The following STK24 variants were observed in gnomAD, a reference collection of about 807,000 sequenced individuals.
The protein encoded by STK24 is serine/threonine kinase 24, also known as serine/threonine-protein kinase 24.
STK24 carries 21 observed loss-of-function variants against 55.6 expected under a neutral mutation model. The ratio of observed to expected loss-of-function variants is 0.38; its 90% CI spans 0.27 to 0.54. The LOEUF is 0.54. Ranked by LOEUF, STK24 falls within the 20% of genes least tolerant of loss-of-function variation. STK24 has a pLI of 0.79. For missense variants in STK24, 383 were observed against 538.4 expected (o/e 0.71, Z 2.86); for synonymous variants, 200 against 215.2 (o/e 0.93, Z 0.62).
intron 3 of STK24, among the ~76,000 whole-genome samples, chr13:98,478,251 C>G (rs1894457762): frequency 2.0e-5 from 3 of 152,336 alleles, no homozygotes; most frequent in Middle Eastern, 3.4e-3. Context: ...CATCCCACCT[C>G]TGTGTGACTT....
chr13:98,565,526 G>A (rs1897541430), intron 1 of STK24, among the ~76,000 whole-genome samples: 1 of 151,902 alleles, frequency 6.6e-6, no homozygotes, highest in Non-Finnish European at 1.5e-5. Flanking sequence ...CAGCTACTTG[G>A]GAGGCTGAGG....
rs1183809728 is a variant in STK24, at chr13:98,451,575, C to G, written c.*1598G>C. On this transcript the variant is annotated 3_prime_UTR_variant, in exon 11 of 11. Coordinates refer to ENST00000539966, the MANE Select transcript of STK24 (RefSeq NM_001032296.4). Reference sequence around the variant, plus strand: ...CCACTCAAGCATCTGTAGCTCAGGGCTCTGTCCCCTCCCTATAGCTTAGAG... The same window carrying G: ...CCACTCAAGCATCTGTAGCTCAGGGGTCTGTCCCCTCCCTATAGCTTAGAG... 2 of 152,186 alleles carry G rather than the reference C, an allele frequency of 1.3e-5. No homozygotes were observed. Among genetic ancestry groups the G allele is most frequent in the Non-Finnish European group, 2.9e-5 (2 of 68,044 alleles). The allele number at this position is 152,186 out of a possible 1,614,324, so 9.4% of individuals were successfully genotyped here.
At chr13:98,520,989 G>A (rs1416040771) in intron 1 of STK24, among the ~76,000 whole-genome samples, 3 of 152,208 alleles carry the variant, frequency 2.0e-5, no homozygotes, top group African/African-American at 7.2e-5. Context: ...TTGCGTGGTG[G>A]ACATATACCC....
chr13:98,453,417 A>G, intron 10 of STK24: 1 of 570,598 alleles, frequency 1.8e-6, no homozygotes, highest in Non-Finnish European at 3.0e-6. Context: ...ACTCCAGAGC[A>G]TGTCACCAAA....
intron 1 of STK24, among the ~76,000 whole-genome samples, chr13:98,575,402 TATATACAC>T (rs917622071): frequency 1.1e-4 from 11 of 98,550 alleles, no homozygotes; most frequent in Non-Finnish European, 1.9e-4. Context: ...ATACTGCTTA[TATATACAC>T]ACACACACAC....
intron 1 of STK24, among the ~76,000 whole-genome samples, chr13:98,524,810 G>A (rs1896376091): frequency 6.6e-6 from 1 of 152,172 alleles, no homozygotes; most frequent in African/African-American, 2.4e-5. Context: ...GACCAAGACG[G>A]CTTAGAAAAC....
At chr13:98,512,536 A>C (rs1895918679) in intron 2 of STK24, among the ~76,000 whole-genome samples, 1 of 151,908 alleles carries the variant, frequency 6.6e-6, no homozygotes, top group Non-Finnish European at 1.5e-5. Context: ...CGAGAAACAA[A>C]AACAAAACAA....
chr13:98,518,464 GT>G (rs963487804), intron 2 of STK24, among the ~76,000 whole-genome samples: 4 of 152,112 alleles, frequency 2.6e-5, no homozygotes, highest in South Asian at 2.1e-4. Flanking sequence ...ATTTCAGAGC[GT>G]TTTTTTCCCC....
chr13:98,481,927 T>A (rs754741451), intron 3 of STK24, among the ~76,000 whole-genome samples: 12 of 151,826 alleles, frequency 7.9e-5, no homozygotes, highest in Non-Finnish European at 1.5e-4. Context: ...ATTGGCCAGG[T>A]GTGGTGGCAT....
chr13:98,519,199 G>T, intron 2 of STK24, 44 bp downstream of exon 2: 1 of 1,530,366 alleles, frequency 6.5e-7, no homozygotes, highest in Non-Finnish European at 9.0e-7. Flanking sequence ...TGGCACCTCA[G>T]CCAAGTGCTG....
intron 2 of STK24, among the ~76,000 whole-genome samples, chr13:98,497,366 T>A (rs1181449123): frequency 6.6e-6 from 1 of 152,220 alleles, no homozygotes; most frequent in Non-Finnish European, 1.5e-5. Flanking sequence ...CCAGGCAGAC[T>A]ATGAACAAAA....
intron 2 of STK24, among the ~76,000 whole-genome samples, chr13:98,493,808 T>TA (rs1292343545): frequency 2.6e-5 from 4 of 150,956 alleles, no homozygotes; most frequent in African/African-American, 9.8e-5. Flanking sequence ...TGAGAAAGAA[T>TA]AAAGACTTAA....
At chr13:98,475,916 G>A (rs1185453613) in intron 3 of STK24, among the ~76,000 whole-genome samples, 3 of 152,296 alleles carry the variant, frequency 2.0e-5, no homozygotes, top group Admixed American at 1.3e-4. Context: ...GCGCCTCTGA[G>A]GATATCCTTG....
intron 1 of STK24, among the ~76,000 whole-genome samples, chr13:98,540,220 A>G (rs1447387190): frequency 6.6e-6 from 1 of 152,234 alleles, no homozygotes. Flanking sequence ...GGGAACAGAG[A>G]TCACCTGTGA....
intron 5 of STK24, among the ~76,000 whole-genome samples, chr13:98,470,337 C>T (rs1050915206): frequency 3.3e-5 from 5 of 152,144 alleles, no homozygotes; most frequent in African/African-American, 1.2e-4. Context: ...TGCTTTGTTG[C>T]CCAGGTTGGT....
chr13:98,550,318 C>T (rs1280233046), intron 1 of STK24, among the ~76,000 whole-genome samples: 1 of 152,166 alleles, frequency 6.6e-6, no homozygotes, highest in African/African-American at 2.4e-5. Flanking sequence ...GGGGGAAGAT[C>T]GCGTGAGCCC....
chr13:98,499,131 G>A (rs1321153333), intron 2 of STK24, among the ~76,000 whole-genome samples: 8 of 152,016 alleles, frequency 5.3e-5, no homozygotes, highest in African/African-American at 1.2e-4. Context: ...CCAGCTACTC[G>A]GGAGGCTGGG....
Position 98,463,803 on chromosome 13 carries a change from A to G in STK24, c.817T>C (p.Phe273Leu). ...PTAKELLKHKFILRNAKKTSY... is the reference protein window; with the variant it reads ...PTAKELLKHKLILRNAKKTSY... ...GTTTTCTTTGCATTGCGTAGTATAA[A>G]CTTGTGCTTCAATAACTCCTTAGCA... The change falls in exon 7 of 11, where the codon TTT becomes CTT. Residue 273 changes from phenylalanine (F) to leucine (L), a missense_variant. Phe to Leu is a conservative substitution (Grantham distance 22). Transcript: ENST00000539966. 1 of 1,614,100 alleles carries G rather than the reference A, an allele frequency of 6.2e-7. No homozygotes were observed. Among genetic ancestry groups the G allele is most frequent in the Non-Finnish European group, 8.5e-7 (1 of 1,179,996 alleles).
rs1336461380 is a variant in STK24 at position 98,446,783 on chromosome 13, T to G, written c.*6390A>C. ...GCTGCACTTCAAGTCCCACGTCTAC[T>G]ACTTCAGGGCGGAAAGCGAGTACAC... is the stretch of plus-strand genomic sequence containing the variant. On this transcript the variant is annotated 3_prime_UTR_variant, in exon 11 of 11. Transcript: ENST00000539966. 7 of 1,614,182 alleles carry G rather than the reference T, an allele frequency of 4.3e-6. No homozygotes were observed. The East Asian group carries it at 1.6e-4, about 36-fold the overall frequency.
Sources: gnomAD v4.1 joint callset for allele counts (sites outside exome capture counted in the v4.1 genomes callset) on GRCh38, gnomAD v4.1.1 for gene constraint, MANE v1.5 for transcripts, NCBI Gene and HGNC (gene_info 2026-07-23, HGNC 2026-07-21) for gene names.